The following USH2A variants were observed in gnomAD, a reference collection of about 807,000 sequenced individuals.
USH2A encodes Usher syndrome 2A (autosomal recessive, mild).
In USH2A, 443 loss-of-function variants were observed where a neutral mutation model predicts 538.9. The ratio of observed to expected loss-of-function variants is 0.82; its 90% confidence interval spans 0.76 to 0.89. The LOEUF is 0.89. Among genes scored for constraint, USH2A ranks in the 40% least tolerant of loss-of-function variants. The pLI is 0.00. For missense variants in USH2A, 6,633 were observed against 6,324.8 expected (o/e 1.05, Z -1.65); for synonymous variants, 2,413 against 2,273.5 (o/e 1.06, Z -1.75).
chr1:215,728,950 A>G (rs1234790308), intron 60 of USH2A, among the ~76,000 whole-genome samples: 1 of 152,148 alleles, frequency 6.6e-6, no homozygotes. Context: ...AGTAGAAGCT[A>G]TTATTGGGAA....
At chr1:215,662,094 G>A (rs904324723) in intron 64 of USH2A, among the ~76,000 whole-genome samples, 5 of 152,096 alleles carry the variant, frequency 3.3e-5, no homozygotes, top group East Asian at 3.9e-4. Flanking sequence ...TGCTTAATAA[G>A]GACAGTTTAT....
At chr1:216,120,944 C>T (rs1380069912) in intron 21 of USH2A, among the ~76,000 whole-genome samples, 6 of 132,032 alleles carry the variant, frequency 4.5e-5, no homozygotes, top group African/African-American at 1.5e-4. Context: ...ACTTTTACAT[C>T]CCCAAACATT....
At chr1:216,314,779 T>A (rs955865665) in intron 9 of USH2A, among the ~76,000 whole-genome samples, 77 of 152,188 alleles carry the variant, frequency 5.1e-4, no homozygotes, top group African/African-American at 1.8e-3. Flanking sequence ...GATCTATGAT[T>A]AATGTTATAA....
intron 3 of USH2A, among the ~76,000 whole-genome samples, chr1:216,371,705 T>C (rs2038719025): frequency 6.6e-6 from 1 of 152,164 alleles, no homozygotes; most frequent in Non-Finnish European, 1.5e-5. Flanking sequence ...GCCTTTACCA[T>C]CCCTCTAACA....
At chr1:215,708,244 T>C (rs1414030642) in intron 61 of USH2A, among the ~76,000 whole-genome samples, 1 of 152,224 alleles carries the variant, frequency 6.6e-6, no homozygotes, top group African/African-American at 2.4e-5. Context: ...CCTTATCTTG[T>C]TTATTGTCTT....
chr1:215,650,924 GAT>G lies in USH2A; in HGVS notation c.14134-125_14134-124del, dbSNP rs557116695. On this transcript the variant is annotated intron_variant, in intron 64 of 71. Coordinates refer to ENST00000307340, the MANE Select transcript of USH2A (RefSeq NM_206933.4). The stretch of plus-strand genomic sequence containing the variant: ...AAAGCAACTAAACACAACAGGAAGA[GAT>G]AAACTTTGATCTTGCAACCTTGTAA... The G allele has an allele frequency of 1.8e-4, 184 of 1,005,362 alleles. 2 individuals carry two copies. Among genetic ancestry groups the G allele is most frequent in the Non-Finnish European group, 2.5e-4 (168 of 676,220 alleles). The allele number at this position is 1,005,362 out of a possible 1,614,324, so 62.3% of individuals were successfully genotyped here.
intron 9 of USH2A, among the ~76,000 whole-genome samples, chr1:216,317,684 A>G (rs188917173): frequency 6.9e-6 from 1 of 143,960 alleles, no homozygotes; most frequent in East Asian, 2.0e-4. Context: ...CCATCTCTAC[A>G]AAAAAAAAAA....
Position 216,212,683 on chromosome 1 carries a change from T to TTGTG in USH2A, c.3157+4700_3157+4703dup, listed in dbSNP as rs10654206. ...TTTTGAAGATAAGGTGTGTGTGTGT[T>TTGTG]TGTGTGTGTGTGTGTGTGTGTGCAT... On this transcript the variant is annotated intron_variant, in intron 15 of 71. Transcript: ENST00000307340. Among the ~76,000 whole-genome samples, 600 of 147,478 alleles carry TTGTG rather than the reference T, an allele frequency of 4.1e-3. 4 individuals are homozygous for TTGTG. Among genetic ancestry groups the TTGTG allele is most frequent in the South Asian group, 0.014 (63 of 4,640 alleles).
chr1:215,977,354 C>A (rs996264625), intron 35 of USH2A, among the ~76,000 whole-genome samples: 1 of 151,938 alleles, frequency 6.6e-6, no homozygotes, highest in African/African-American at 2.4e-5. Context: ...TTGCTACATC[C>A]CAGAGATTTT....
At chr1:215,683,324 T>C (rs1443190802) in intron 61 of USH2A, among the ~76,000 whole-genome samples, 1 of 152,150 alleles carries the variant, frequency 6.6e-6, no homozygotes, top group East Asian at 1.9e-4. Context: ...TTTGTCAATG[T>C]TTAGTAAAAG....
At chr1:215,652,050 T>G (rs1657100954) in intron 64 of USH2A, among the ~76,000 whole-genome samples, 1 of 152,250 alleles carries the variant, frequency 6.6e-6, no homozygotes, top group African/African-American at 2.4e-5. Context: ...GGATACATCC[T>G]CTCATCATTT....
At chr1:216,180,765 G>C (rs1334791261) in intron 20 of USH2A, among the ~76,000 whole-genome samples, 2 of 152,092 alleles carry the variant, frequency 1.3e-5, no homozygotes, top group African/African-American at 4.8e-5. Context: ...GACTACATAA[G>C]ACATTCTTAA....
chr1:215,982,328 T>C (rs1667769889), intron 35 of USH2A, among the ~76,000 whole-genome samples: 1 of 152,194 alleles, frequency 6.6e-6, no homozygotes, highest in South Asian at 2.1e-4. Flanking sequence ...CACACAGAAC[T>C]GTCCCCTTGC....
At chr1:215,832,670 G>A (rs1364307726) in intron 47 of USH2A, among the ~76,000 whole-genome samples, 1 of 151,850 alleles carries the variant, frequency 6.6e-6, no homozygotes, top group Non-Finnish European at 1.5e-5. Flanking sequence ...AAGACTGAAA[G>A]TTTTCTTTCA....
In USH2A at chr1:215,623,687, T is replaced by G. The variant is rs1300993694; in HGVS notation, c.*2094A>C. On this transcript the variant is annotated 3_prime_UTR_variant, in exon 72 of 72. Coordinates refer to ENST00000307340, the MANE Select transcript of USH2A (RefSeq NM_206933.4). ...ATGTAAATGATTCAGCTAACTGAGT[T>G]CATGTCTAATTAGATGATTAAATGG... is the stretch of plus-strand genomic sequence containing the variant. 6.6e-6 allele frequency: 1 copy of G among 152,116 alleles called. No homozygotes were observed. The highest frequency in any genetic ancestry group is 2.4e-5 in the African/African-American group (1 of 41,434). The allele number at this position is 152,116 out of a possible 1,614,324, so 9.4% of individuals were successfully genotyped here. A position where few individuals can be genotyped will look rare whatever the true frequency, so the allele number is the denominator to read the frequency against.
intron 3 of USH2A, among the ~76,000 whole-genome samples, chr1:216,393,826 T>C (rs1288991346): frequency 6.6e-6 from 1 of 152,048 alleles, no homozygotes; most frequent in African/African-American, 2.4e-5. Flanking sequence ...AAACTTCTGA[T>C]CTATAAATGA....
At chr1:215,631,455 G>A (rs1245959291) in intron 70 of USH2A, among the ~76,000 whole-genome samples, 1 of 152,128 alleles carries the variant, frequency 6.6e-6, no homozygotes, top group Non-Finnish European at 1.5e-5. Flanking sequence ...TCTTTAGTTT[G>A]GCTAATTTTT....
At chr1:216,226,487 C>T (rs700016) in intron 14 of USH2A, among the ~76,000 whole-genome samples, 143,694 of 152,246 alleles carry the variant, frequency 0.94, 67,896 homozygotes, top group African/African-American at 0.98. Flanking sequence ...TCCTCCCTCA[C>T]GTAGAGGCTG....
chr1:215,988,480 G>A lies in USH2A; in HGVS notation c.6805+4540C>T, dbSNP rs1016812396. Among the ~76,000 whole-genome samples, 3 of 152,124 alleles carry A rather than the reference G, an allele frequency of 2.0e-5. No individual in the cohort carries two copies. In the East Asian group the frequency reaches 5.8e-4, roughly 29 times the overall value. ...GCACCTCGTAGCTACCGTGAATAAT[G>A]CTGCAATGCATCTTGTTTCCAATTC... On this transcript the variant is annotated intron_variant, in intron 35 of 71. Coordinates refer to ENST00000307340, the MANE Select transcript of USH2A (RefSeq NM_206933.4).
Sources: allele counts gnomAD v4.1 joint callset (sites outside exome capture counted in the v4.1 genomes callset), GRCh38; gene constraint gnomAD v4.1.1; transcripts MANE v1.5; gene names NCBI Gene and HGNC (gene_info 2026-07-23, HGNC 2026-07-21).